Variants in CDHR1 observed in about 807,000 individuals in gnomAD.
CDHR1 encodes the protein cadherin related family member 1.
CDHR1 carries 61 observed loss-of-function variants against 72.1 expected under a neutral mutation model. The ratio of observed to expected loss-of-function variants is 0.85; its 90% CI spans 0.69 to 1.05. The LOEUF (loss-of-function observed/expected upper bound fraction) is 1.05. Ranked by LOEUF, CDHR1 falls within the 50% of genes least tolerant of loss-of-function variation. The pLI is 0.00. For missense variants in CDHR1, 1,186 were observed against 1,115.7 expected, an observed-to-expected ratio of 1.06 and a Z score of -0.90; for synonymous variants, 470 against 448.1, an observed-to-expected ratio of 1.05 and a Z score of -0.62.
At position 84,218,620 on chromosome 10, in the gene CDHR1, C is replaced by T. The variant is rs1842463005; in HGVS notation, c.*3999C>T. ...GTAGCCCTGCTTACAAATGTCTCCT[C>T]AATCAAAGGCATTTGCCTTAAACTT... On this transcript the variant is annotated 3_prime_UTR_variant, in exon 17 of 17. Transcript: ENST00000623527. 16 of 985,544 alleles carry T rather than the reference C, an allele frequency of 1.6e-5. No homozygotes were observed. Among genetic ancestry groups the T allele is most frequent in the Non-Finnish European group, 1.9e-5 (16 of 830,094 alleles). 61.0% of individuals were successfully genotyped at this position (985,544 alleles called of 1,614,324 possible). A position where few individuals can be genotyped will look rare whatever the true frequency, so the allele number is the denominator to read the frequency against.
chr10:84,197,781 C>T lies in CDHR1; in HGVS notation c.298-5C>T, dbSNP rs1842053961. ...GGACACTCACTCAGTCCCTGTGCTT[C>T]ACAGAGGGAAGATGAGATTGAAGCC... is the stretch of plus-strand genomic sequence containing the variant. On this transcript the variant is annotated splice_polypyrimidine_tract_variant and splice_region_variant and intron_variant, in intron 3 of 16. Coordinates refer to ENST00000623527, the MANE Select transcript of CDHR1 (RefSeq NM_033100.4). 1 of 1,613,118 alleles carries T rather than the reference C, an allele frequency of 6.2e-7. No individual in the cohort carries two copies. The highest frequency in any genetic ancestry group is 1.3e-5 in the African/African-American group (1 of 74,914).
At chr10:84,211,864 C>G (rs1003681602) in intron 14 of CDHR1, 149 bp downstream of exon 14, 37 of 789,674 alleles carry the variant, frequency 4.7e-5, no homozygotes, top group Non-Finnish European at 8.0e-5. Flanking sequence ...AAAGCTGAAG[C>G]AGAGGGTGAG....
In CDHR1 at chr10:84,198,599, C is replaced by T. The variant is rs553129342; in HGVS notation, c.349-433C>T. 2.0e-5 allele frequency among the ~76,000 whole-genome samples: 3 copies of T among 152,354 alleles called. No homozygotes were observed. The South Asian group carries it at 6.2e-4, about 32-fold the overall frequency. Reference sequence around the variant, plus strand: ...GATTAATTCTCACTCCTCTAAGAAGCCCACCTGCTCTCCACCACCACAGCC... The same window carrying T: ...GATTAATTCTCACTCCTCTAAGAAGTCCACCTGCTCTCCACCACCACAGCC... On this transcript the variant is annotated intron_variant, in intron 4 of 16. Coordinates refer to ENST00000623527, the MANE Select transcript of CDHR1 (RefSeq NM_033100.4).
intron 13 of CDHR1, 28 bp from the exon 14 acceptor site, chr10:84,211,620 G>A (rs747429217): frequency 1.1e-5 from 17 of 1,607,108 alleles, no homozygotes; most frequent in East Asian, 2.2e-5. Context: ...AAAGAGGCAC[G>A]TGCCACCCAG....
rs1842402092 is a variant in CDHR1, at chr10:84,214,826, C to A, written c.*205C>A. 1.3e-6 allele frequency: 2 copies of A among 1,492,740 alleles called. No individual in the cohort carries two copies. Among genetic ancestry groups the A allele is most frequent in the Non-Finnish European group, 1.8e-6 (2 of 1,132,434 alleles). 92.5% of individuals were successfully genotyped at this position (1,492,740 alleles called of 1,614,324 possible). On this transcript the variant is annotated 3_prime_UTR_variant, in exon 17 of 17. Coordinates refer to ENST00000623527, the MANE Select transcript of CDHR1 (RefSeq NM_033100.4). ...ACAGGGCTCTAGTCAGGGCCTTGGG[C>A]AAGACATTGGGCTCTAGGATGCAAT...
In CDHR1 at chr10:84,197,847, G is replaced by C. The variant is rs376315843; in HGVS notation, c.348+11G>C. 1 of 1,612,100 alleles carries C rather than the reference G, an allele frequency of 6.2e-7. No individual in the cohort carries two copies. On this transcript the variant is annotated intron_variant, in intron 4 of 16. Transcript: ENST00000623527. ...GATGGCCTGAATCTGGTGAGTGCAC[G>C]TCCAAGGCAGTCCCTGGCAGCCTGC... is the stretch of plus-strand genomic sequence containing the variant.
intron 5 of CDHR1, 118 bp from the exon 6 acceptor site, chr10:84,200,483 G>A (rs537372158): frequency 1.4e-5 from 10 of 738,502 alleles, no homozygotes; most frequent in Non-Finnish European, 2.0e-5. Flanking sequence ...ATCCTCAATT[G>A]TTCACCTCTT....
At chr10:84,212,126 T>G in intron 14 of CDHR1, 53 bp from the exon 15 acceptor site, 9 of 1,440,488 alleles carry the variant, frequency 6.2e-6, no homozygotes, top group South Asian at 2.3e-5. Context: ...TGTGTATGTA[T>G]GCACATATGT....
At position 84,214,126 on chromosome 10, in the gene CDHR1, G is replaced by C; in HGVS notation, c.2085G>C (p.Lys695Asn). 6.2e-7 allele frequency: 1 copy of C among 1,614,202 alleles called. No individual in the cohort carries two copies. The highest frequency in any genetic ancestry group is 1.7e-5 in the Admixed American group (1 of 60,026). ...TGGCTGCCTTCCTGATACAGACCAA[G>C]GACAACCCCATGAAGGCCGTGGGTG... Reference protein sequence around the residue: ...SPMAAFLIQTKDNPMKAVGVL... With the variant: ...SPMAAFLIQTNDNPMKAVGVL... Residue 695 changes from lysine to asparagine, a missense_variant, in exon 17 of 17, where the codon AAG (lysine) becomes AAC (asparagine). Coordinates refer to ENST00000623527, the MANE Select transcript of CDHR1 (RefSeq NM_033100.4).
At chr10:84,210,764 C>T (rs1047857186) in intron 12 of CDHR1, among the ~76,000 whole-genome samples, 27 of 152,144 alleles carry the variant, frequency 1.8e-4, no homozygotes, top group African/African-American at 5.8e-4. Flanking sequence ...ACAAAATAAA[C>T]TGACCCCAAT....
intron 12 of CDHR1, 70 bp from the exon 13 acceptor site, chr10:84,210,931 G>A (rs1842317568): frequency 6.6e-7 from 1 of 1,511,082 alleles, no homozygotes; most frequent in Non-Finnish European, 9.2e-7. Context: ...GTCCTGGGGA[G>A]ATGAGGTGGG....
Position 84,216,181 on chromosome 10 carries a change from A to G in CDHR1, c.*1560A>G, listed in dbSNP as rs151298766. On this transcript the variant is annotated 3_prime_UTR_variant, in exon 17 of 17. Transcript: ENST00000623527. ...CAGTTCTTTGCATTTGGCTCTACTT[A>G]CTAACAACCCCTCTAGAATACATTG... 3.1e-4 allele frequency: 310 copies of G among 985,488 alleles called. 1 individual carries two copies. In the African/African-American group the frequency reaches 5.0e-3, roughly 16 times the overall value. 61.0% of individuals were successfully genotyped at this position (985,488 alleles called of 1,614,324 possible).
chr10:84,199,861 T>C (rs1842092102), intron 5 of CDHR1, among the ~76,000 whole-genome samples: 1 of 152,180 alleles, frequency 6.6e-6, no homozygotes, highest in South Asian at 2.1e-4. Context: ...CAATACTGAA[T>C]TCTCAAAGTT....
chr10:84,205,821 T>C lies in CDHR1; in HGVS notation c.863-6T>C. The C allele has an allele frequency of 6.2e-7, 1 of 1,604,280 alleles. No individual in the cohort carries two copies. The highest frequency in any genetic ancestry group is 8.5e-7 in the Non-Finnish European group (1 of 1,171,326). Reference sequence around the variant, plus strand: ...GCAGAACTTCAGGGTGCATCTCCCTTGACAGGGAACGATGGAGCCTTTGAA... The same window carrying C: ...GCAGAACTTCAGGGTGCATCTCCCTCGACAGGGAACGATGGAGCCTTTGAA... On this transcript the variant is annotated splice_region_variant and splice_polypyrimidine_tract_variant and intron_variant, in intron 9 of 16. Transcript: ENST00000623527.
chr10:84,194,748 C>A lies in CDHR1; in HGVS notation c.-13C>A. On this transcript the variant is annotated 5_prime_UTR_variant, in exon 1 of 17. Coordinates refer to ENST00000623527, the MANE Select transcript of CDHR1 (RefSeq NM_033100.4). ...CTCGGCGGCGGCAGGCGACACTCCG[C>A]GCCGGCGGAGACATGAGGCGCTGCC... 6.7e-6 allele frequency: 10 copies of A among 1,497,448 alleles called. No individual in the cohort carries two copies. The highest frequency in any genetic ancestry group is 2.2e-5 in the Admixed American group (1 of 45,474). 92.8% of individuals were successfully genotyped at this position (1,497,448 alleles called of 1,614,324 possible).
At chr10:84,202,617 G>C (rs890367039) in intron 7 of CDHR1, among the ~76,000 whole-genome samples, 7 of 152,314 alleles carry the variant, frequency 4.6e-5, no homozygotes, top group East Asian at 1.9e-4. Context: ...AAGTCCTGCT[G>C]TTGTGGGTCC....
At chr10:84,211,273 T>A in intron 13 of CDHR1, 108 bp downstream of exon 13, 1 of 1,207,654 alleles carries the variant, frequency 8.3e-7, no homozygotes, top group South Asian at 1.3e-5. Flanking sequence ...ACTCATTAGC[T>A]GTCCTTGGAC....
chr10:84,214,914 G>C lies in CDHR1; in HGVS notation c.*293G>C, dbSNP rs1842403677. ...ACTACAATGCCCTCCATTCTTCAGGGCTGAGAATTGACGAGAAGCCAGCTC... is the reference window on the plus strand; with the variant it reads ...ACTACAATGCCCTCCATTCTTCAGGCCTGAGAATTGACGAGAAGCCAGCTC... On this transcript the variant is annotated 3_prime_UTR_variant, in exon 17 of 17. Transcript: ENST00000623527. 7.4e-7 allele frequency: 1 copy of C among 1,345,848 alleles called. No homozygotes were observed. The allele number at this position is 1,345,848 out of a possible 1,614,324, so 83.4% of individuals were successfully genotyped here.
At chr10:84,206,260 T>A (rs988674241) in intron 10 of CDHR1, among the ~76,000 whole-genome samples, 1 of 151,874 alleles carries the variant, frequency 6.6e-6, no homozygotes, top group Non-Finnish European at 1.5e-5. Context: ...AACTGATATA[T>A]TGGGGGAACA....
Sources: allele counts gnomAD v4.1 joint callset (sites outside exome capture counted in the v4.1 genomes callset), GRCh38; gene constraint gnomAD v4.1.1; transcripts MANE v1.5; gene names NCBI Gene and HGNC (gene_info 2026-07-23, HGNC 2026-07-21).